SOX6: variants seen among roughly 807,000 people sequenced by gnomAD.
SOX6 encodes the protein SRY-box transcription factor 6.
SOX6 carries 11 observed loss-of-function variants against 97.8 expected under a neutral mutation model. That is an observed-to-expected ratio of 0.11 (90% confidence interval 0.07 to 0.19). The LOEUF is 0.19. Among genes scored for constraint, SOX6 ranks in the 10% least tolerant of loss-of-function variants. SOX6 has a pLI of 1.00. For synonymous variants in SOX6, 360 were observed against 371.4 expected, an observed-to-expected ratio of 0.97 and a Z score of 0.35; for missense variants, 810 against 1,039.5, an observed-to-expected ratio of 0.78 and a Z score of 3.04.
chr11:16,144,414 G>T (rs980661805), intron 6 of SOX6, among the ~76,000 whole-genome samples: 4 of 152,026 alleles, frequency 2.6e-5, no homozygotes, highest in South Asian at 2.1e-4. Context: ...GATCTAAAAT[G>T]GACACCCTAA....
At chr11:16,620,252 T>C (rs1173342300) in intron 3 of SOX6, among the ~76,000 whole-genome samples, 1 of 152,216 alleles carries the variant, frequency 6.6e-6, no homozygotes, top group Non-Finnish European at 1.5e-5. Flanking sequence ...ATTCCAATGT[T>C]TGTTTCTATT....
intron 4 of SOX6, among the ~76,000 whole-genome samples, chr11:16,560,863 A>G (rs894978633): frequency 1.3e-5 from 2 of 152,146 alleles, no homozygotes; most frequent in African/African-American, 2.4e-5. Context: ...AAGTGAAGTA[A>G]CTCAGAAATG....
chr11:16,126,952 T>C (rs1198093596), intron 6 of SOX6, among the ~76,000 whole-genome samples: 1 of 152,094 alleles, frequency 6.6e-6, no homozygotes, highest in African/African-American at 2.4e-5. Flanking sequence ...TCACGGAATA[T>C]CTCTAGATTT....
intron 3 of SOX6, among the ~76,000 whole-genome samples, chr11:16,665,345 A>G (rs533940099): frequency 1.3e-5 from 2 of 152,244 alleles, no homozygotes; most frequent in South Asian, 4.1e-4. Context: ...GCCTGGTAGC[A>G]TTCACCACAA....
chr11:16,552,127 A>T (rs1484397028), intron 4 of SOX6, among the ~76,000 whole-genome samples: 1 of 152,024 alleles, frequency 6.6e-6, no homozygotes, highest in Non-Finnish European at 1.5e-5. Context: ...AATGCCTAAA[A>T]TTTTTTCCAA....
At chr11:16,570,694 C>A (rs1847929269) in intron 4 of SOX6, among the ~76,000 whole-genome samples, 1 of 152,120 alleles carries the variant, frequency 6.6e-6, no homozygotes, top group Non-Finnish European at 1.5e-5. Flanking sequence ...AGTACTGATA[C>A]CTTCCTTCAT....
At chr11:16,490,134 A>G (rs562513174) in intron 4 of SOX6, among the ~76,000 whole-genome samples, 11 of 152,184 alleles carry the variant, frequency 7.2e-5, no homozygotes, top group Admixed American at 5.9e-4. Context: ...ATAGTAAACA[A>G]TTTAAGCTTT....
chr11:16,355,810 A>G (rs34866095), intron 1 of SOX6, among the ~76,000 whole-genome samples: 46,943 of 151,806 alleles, frequency 0.31, 7,763 homozygotes, highest in African/African-American at 0.38. Flanking sequence ...TACAGAAAAA[A>G]TAATCACATG....
intron 3 of SOX6, among the ~76,000 whole-genome samples, chr11:16,267,780 T>C (rs1854125369): frequency 2.0e-5 from 3 of 151,506 alleles, no homozygotes; most frequent in Non-Finnish European, 4.4e-5. Flanking sequence ...ATAGCCAAGT[T>C]ATGGAATATC....
intron 6 of SOX6, among the ~76,000 whole-genome samples, chr11:16,130,836 G>C (rs1479624119): frequency 3.9e-5 from 6 of 151,932 alleles, no homozygotes; most frequent in Admixed American, 2.0e-4. Flanking sequence ...TTGGTCAATT[G>C]ATTTTCATAA....
intron 4 of SOX6, chr11:16,484,684 C>T (rs1269900463): frequency 1.6e-6 from 1 of 608,842 alleles, no homozygotes; most frequent in East Asian, 2.9e-5. Context: ...CTGCTGCGCT[C>T]CCCAGACTCC....
chr11:16,466,799 C>T (rs975514885), intron 1 of SOX6, among the ~76,000 whole-genome samples: 37 of 149,164 alleles, frequency 2.5e-4, no homozygotes, highest in South Asian at 8.4e-4. Flanking sequence ...GGCGTAGTGG[C>T]GGGCGCCTGT....
At chr11:16,182,157 C>T (rs1851363995) in intron 6 of SOX6, among the ~76,000 whole-genome samples, 1 of 151,760 alleles carries the variant, frequency 6.6e-6, no homozygotes. Context: ...TGCTGTTCAC[C>T]TGGAGTTCTC....
intron 9 of SOX6, among the ~76,000 whole-genome samples, chr11:16,075,126 A>G (rs757767980): frequency 2.0e-5 from 3 of 152,192 alleles, no homozygotes; most frequent in Non-Finnish European, 4.4e-5. Context: ...AAAACAAGCA[A>G]TGAGGAAAGG....
intron 1 of SOX6, among the ~76,000 whole-genome samples, chr11:16,443,256 T>C (rs1221499797): frequency 1.3e-5 from 2 of 152,218 alleles, no homozygotes; most frequent in Non-Finnish European, 2.9e-5. Flanking sequence ...TAATCTGCTA[T>C]GATTTCTCCT....
intron 3 of SOX6, among the ~76,000 whole-genome samples, chr11:16,283,041 ATG>A (rs1854613017): frequency 1.6e-5 from 2 of 128,444 alleles, no homozygotes; most frequent in African/African-American, 5.6e-5. Context: ...ATATATATAT[ATG>A]TAAATTATAT....
chr11:16,272,327 C>T (rs1854282867), intron 3 of SOX6, among the ~76,000 whole-genome samples: 1 of 151,580 alleles, frequency 6.6e-6, no homozygotes, highest in Non-Finnish European at 1.5e-5. Flanking sequence ...GGTCATCTAT[C>T]CACTTCACAA....
intron 1 of SOX6, among the ~76,000 whole-genome samples, chr11:16,405,981 A>G (rs1171240683): frequency 4.6e-5 from 7 of 151,992 alleles, no homozygotes; most frequent in Admixed American, 2.0e-4. Flanking sequence ...TACTGTATGA[A>G]CTTACCTCAA....
At chr11:16,128,596 AC>A (rs1264012002) in intron 6 of SOX6, among the ~76,000 whole-genome samples, 1 of 152,172 alleles carries the variant, frequency 6.6e-6, no homozygotes, top group Non-Finnish European at 1.5e-5. Context: ...ATTTTCAGGG[AC>A]AGAAATGATT....
Sources: gnomAD v4.1 joint callset for allele counts (sites outside exome capture counted in the v4.1 genomes callset) on GRCh38, gnomAD v4.1.1 for gene constraint, MANE v1.5 for transcripts, NCBI Gene and HGNC (gene_info 2026-07-23, HGNC 2026-07-21) for gene names.